Variants in RASGRF1 observed in about 807,000 individuals in gnomAD.
RASGRF1 encodes the protein ras-specific guanine nucleotide-releasing factor 1.
A neutral mutation model predicts 138.7 loss-of-function variants in RASGRF1; 40 were observed. The ratio of observed to expected loss-of-function variants is 0.29; its 90% CI spans 0.22 to 0.38. The LOEUF is 0.38. Among genes scored for constraint, RASGRF1 ranks in the 10% least tolerant of loss-of-function variants. RASGRF1 has a pLI of 1.00. For missense variants in RASGRF1, 1,108 were observed against 1,650.4 expected (o/e 0.67, Z 5.69); for synonymous variants, 614 against 663.2 (o/e 0.93, Z 1.14).
At chr15:79,029,420 C>A (rs2057106400) in intron 8 of RASGRF1, among the ~76,000 whole-genome samples, 1 of 152,180 alleles carries the variant, frequency 6.6e-6, no homozygotes, top group Non-Finnish European at 1.5e-5. Flanking sequence ...TCCAAGGTAG[C>A]AAAACTAGTT....
chr15:79,057,175 G>A lies in RASGRF1; in HGVS notation c.531+1159C>T, dbSNP rs530095127. The stretch of plus-strand genomic sequence containing the variant: ...TGCCTGGGCATAGGTGCAGGCTGGG[G>A]TCCAGTGTGCGCCCCATGGTGTCGC... On this transcript the variant is annotated intron_variant, in intron 3 of 26. Coordinates refer to ENST00000558480, the MANE Select transcript of RASGRF1 (RefSeq NM_001145648.3). Among the ~76,000 whole-genome samples the A allele has an allele frequency of 3.2e-3, 492 of 152,276 alleles. 6 individuals are homozygous for A. Among genetic ancestry groups the A allele is most frequent in the African/African-American group, 0.011 (474 of 41,498 alleles).
At chr15:78,990,066 C>T in intron 22 of RASGRF1, 123 bp downstream of exon 22, 1 of 811,598 alleles carries the variant, frequency 1.2e-6, no homozygotes, top group Non-Finnish European at 2.1e-6. Flanking sequence ...CAAGGGGTGG[C>T]AGGGCTGGAG....
At chr15:78,998,007 C>T (rs34906037) in intron 19 of RASGRF1, 89 bp downstream of exon 19, 162,381 of 1,170,100 alleles carry the variant, frequency 0.14, 12,157 homozygotes, top group Admixed American at 0.16. Context: ...CTTCACCTCC[C>T]GGGCCTCTGA....
intron 26 of RASGRF1, among the ~76,000 whole-genome samples, chr15:78,963,639 C>G (rs1567410543): frequency 6.6e-6 from 1 of 152,098 alleles, no homozygotes; most frequent in Non-Finnish European, 1.5e-5. Flanking sequence ...CTTTTGGTAG[C>G]TGCTTGAGAA....
At position 79,024,774 on chromosome 15, in the gene RASGRF1, C is replaced by T. The variant is rs560991066; in HGVS notation, c.1542+540G>A. On this transcript the variant is annotated intron_variant, in intron 10 of 26. Coordinates refer to ENST00000558480, the MANE Select transcript of RASGRF1 (RefSeq NM_001145648.3). Reference sequence around the variant, plus strand: ...ATGTGGAACTGTGAACCCATTAAACCTCTTTTTCTTTGTAAATTACCCAGT... The same window carrying T: ...ATGTGGAACTGTGAACCCATTAAACTTCTTTTTCTTTGTAAATTACCCAGT... Among the ~76,000 whole-genome samples the T allele has an allele frequency of 1.0e-3, 153 of 152,238 alleles. 2 individuals are homozygous for T. The highest frequency in any genetic ancestry group is 3.6e-3 in the African/African-American group (148 of 41,528).
At position 78,995,973 on chromosome 15, in the gene RASGRF1, G is replaced by A. The variant is rs554531343; in HGVS notation, c.2967-173C>T. Among the ~76,000 whole-genome samples, 12 of 152,282 alleles carry A rather than the reference G, an allele frequency of 7.9e-5. No individual in the cohort carries two copies. The South Asian group carries it at 2.1e-3, about 26-fold the overall frequency. On this transcript the variant is annotated intron_variant, in intron 19 of 26. Coordinates refer to ENST00000558480, the MANE Select transcript of RASGRF1 (RefSeq NM_001145648.3). The stretch of plus-strand genomic sequence containing the variant: ...CACTCTTCTTCCTGATGGTCCTGGC[G>A]CTCCTGGCTGTGGGAGGTCCCCTTC...
In RASGRF1 at chr15:79,001,693, T is replaced by C. The variant is rs1567490556; in HGVS notation, c.2544A>G (p.Thr848=). Residue 848 remains threonine (T), a synonymous_variant, in exon 16 of 27, where the codon ACA becomes ACG. Coordinates refer to ENST00000558480, the MANE Select transcript of RASGRF1 (RefSeq NM_001145648.3). ...TETSPTKSPT[T]PKSVKNKNSS... is the part of the protein sequence containing the mutation. ...AATTTTTGTTTTTGACTGATTTGGGTGTTGTTGGAGATTTAGTTGGTGATG... is the reference window on the plus strand; with the variant it reads ...AATTTTTGTTTTTGACTGATTTGGGCGTTGTTGGAGATTTAGTTGGTGATG... 5 of 1,612,188 alleles carry C rather than the reference T, an allele frequency of 3.1e-6. No individual in the cohort carries two copies. Among genetic ancestry groups the C allele is most frequent in the Non-Finnish European group, 3.4e-6 (4 of 1,178,296 alleles).
chr15:78,987,571 C>T (rs978960987), intron 22 of RASGRF1, among the ~76,000 whole-genome samples: 3 of 152,136 alleles, frequency 2.0e-5, no homozygotes, highest in Admixed American at 6.5e-5. Context: ...TGGCATGCAC[C>T]TGTAATCCCA....
At chr15:78,981,561 C>G (rs1294232613) in intron 23 of RASGRF1, 2 of 152,200 alleles carry the variant, frequency 1.3e-5, no homozygotes, top group Non-Finnish European at 2.9e-5. Context: ...GGAGGCCAAG[C>G]ACACGCCCAA....
intron 13 of RASGRF1, among the ~76,000 whole-genome samples, chr15:79,012,297 G>A (rs527512346): frequency 6.4e-4 from 98 of 152,218 alleles, no homozygotes; most frequent in African/African-American, 2.3e-3. Flanking sequence ...GTCCTTCGAG[G>A]CCAGCTCTAA....
chr15:78,966,841 C>T (rs1025291121), intron 26 of RASGRF1, among the ~76,000 whole-genome samples: 23 of 151,860 alleles, frequency 1.5e-4, no homozygotes, highest in Non-Finnish European at 1.3e-4. Context: ...TAAGATGTGA[C>T]GTGTAAAATA....
intron 3 of RASGRF1, 122 bp downstream of exon 3, chr15:79,058,212 C>A: frequency 7.0e-7 from 1 of 1,428,290 alleles, no homozygotes; most frequent in South Asian, 1.3e-5. Context: ...AGTTTGGAGT[C>A]TGGAAGAACT....
At position 78,980,905 on chromosome 15, in the gene RASGRF1, C is replaced by T. The variant is rs1383494450; in HGVS notation, c.3415-206G>A. On this transcript the variant is annotated intron_variant, in intron 23 of 26. Coordinates refer to ENST00000558480, the MANE Select transcript of RASGRF1 (RefSeq NM_001145648.3). The stretch of plus-strand genomic sequence containing the variant: ...GTCCTTGTTGAGTGTGCCTGTGCTC[C>T]CACATCTCTCAGAAGCAAGGAAGTG... 7.2e-6 allele frequency: 3 copies of T among 417,280 alleles called. No individual in the cohort carries two copies. The East Asian group carries it at 1.0e-4, about 14-fold the overall frequency. The allele number at this position is 417,280 out of a possible 1,614,324, so 25.8% of individuals were successfully genotyped here.
At chr15:79,047,434 G>A (rs1194004248) in intron 4 of RASGRF1, among the ~76,000 whole-genome samples, 1 of 152,212 alleles carries the variant, frequency 6.6e-6, no homozygotes, top group African/African-American at 2.4e-5. Flanking sequence ...ATAAAGGGTT[G>A]CAGGGCCTTG....
At chr15:79,049,627 G>C in intron 3 of RASGRF1, 39 bp from the exon 4 acceptor site, 1 of 1,562,336 alleles carries the variant, frequency 6.4e-7, no homozygotes, top group Non-Finnish European at 8.7e-7. Context: ...AGGGGCGCTG[G>C]CTCACAGAGG....
chr15:78,996,246 G>A (rs2056388780), intron 19 of RASGRF1, among the ~76,000 whole-genome samples: 1 of 152,246 alleles, frequency 6.6e-6, no homozygotes, highest in South Asian at 2.1e-4. Context: ...AGGAGGGACT[G>A]CAAGGATGGA....
intron 13 of RASGRF1, among the ~76,000 whole-genome samples, chr15:79,009,490 T>C (rs748543383): frequency 1.3e-5 from 2 of 152,142 alleles, no homozygotes; most frequent in Non-Finnish European, 2.9e-5. Context: ...GCTACTCCCA[T>C]GTCACGGATC....
chr15:78,997,882 G>A (rs552622601), intron 19 of RASGRF1: 60 of 573,268 alleles, frequency 1.0e-4, no homozygotes, highest in East Asian at 2.1e-4. Flanking sequence ...AAGGTCTGGC[G>A]CAGGGTGGGG....
chr15:79,064,482 C>T lies in RASGRF1; in HGVS notation c.321G>A (p.Leu107=), dbSNP rs2057650051. 1 of 1,614,034 alleles carries T rather than the reference C, an allele frequency of 6.2e-7. No individual in the cohort carries two copies. The highest frequency in any genetic ancestry group is 1.1e-5 in the South Asian group (1 of 91,084). ...CTTTTGCGTCCTCTGTCCTCAGCTC[C>T]AAGGCTTTCTGGTTCTCATGGCTGA... ...VNFSHENQKA[L]ELRTEDAKDC... is the part of the protein sequence containing the mutation. The change falls in exon 2 of 27, where the codon TTG becomes TTA. Residue 107 remains leucine (L), a synonymous_variant. Coordinates refer to ENST00000558480, the MANE Select transcript of RASGRF1 (RefSeq NM_001145648.3).
Sources: gnomAD v4.1 joint callset for allele counts (sites outside exome capture counted in the v4.1 genomes callset) on GRCh38, gnomAD v4.1.1 for gene constraint, MANE v1.5 for transcripts, NCBI Gene and HGNC (gene_info 2026-07-23, HGNC 2026-07-21) for gene names.